THEMIS: variants seen among roughly 807,000 people sequenced by gnomAD.
THEMIS encodes thymocyte selection associated, also known as protein THEMIS.
Under a neutral mutation model 52.6 loss-of-function variants are expected in THEMIS, and 37 were observed. The ratio of observed to expected loss-of-function variants is 0.70; its 90% CI spans 0.54 to 0.93. The LOEUF (loss-of-function observed/expected upper bound fraction) is 0.93. Ranked by LOEUF, THEMIS falls within the 40% of genes least tolerant of loss-of-function variation. The pLI, the probability that THEMIS is intolerant of heterozygous loss-of-function variation, is 0.00. For synonymous variants in THEMIS, 292 were observed against 272.7 expected (o/e 1.07, Z -0.70); for missense variants, 808 against 763.1 (o/e 1.06, Z -0.69).
At chr6:127,755,791 G>C (rs1246567401) in intron 4 of THEMIS, among the ~76,000 whole-genome samples, 1 of 152,038 alleles carries the variant, frequency 6.6e-6, no homozygotes, top group Admixed American at 6.6e-5. Context: ...CCAGCACTTT[G>C]GGAGGCGGGC....
intron 5 of THEMIS, among the ~76,000 whole-genome samples, chr6:127,712,688 G>A (rs920554347): frequency 6.6e-6 from 1 of 151,850 alleles, no homozygotes; most frequent in Non-Finnish European, 1.5e-5. Context: ...ATTCATAGAA[G>A]AGTAGACATA....
At chr6:127,915,969 A>G (rs2114542142) in intron 1 of THEMIS, among the ~76,000 whole-genome samples, 1 of 152,278 alleles carries the variant, frequency 6.6e-6, no homozygotes, top group East Asian at 1.9e-4. Flanking sequence ...CCTTGGTGAC[A>G]GAGCACCACT....
upstream of THEMIS, among the ~76,000 whole-genome samples, chr6:127,901,248 A>G (rs992414854): frequency 3.8e-4 from 58 of 152,148 alleles, no homozygotes; most frequent in Non-Finnish European, 4.0e-4. Context: ...TAAGTAGCGC[A>G]TTCTGTCCTT....
At chr6:127,769,766 C>G (rs1057229999) in intron 4 of THEMIS, among the ~76,000 whole-genome samples, 1 of 152,118 alleles carries the variant, frequency 6.6e-6, no homozygotes, top group African/African-American at 2.4e-5. Context: ...TCTCCTGACG[C>G]TACCCCTCCC....
intron 3 of THEMIS, among the ~76,000 whole-genome samples, chr6:127,818,509 T>A (rs1778212377): frequency 1.3e-5 from 2 of 151,078 alleles, no homozygotes; most frequent in Admixed American, 6.6e-5. Flanking sequence ...AACTTCTAGA[T>A]AGATAAACGT....
chr6:127,745,788 G>T (rs1326013941), intron 4 of THEMIS, among the ~76,000 whole-genome samples: 1 of 151,782 alleles, frequency 6.6e-6, no homozygotes, highest in Non-Finnish European at 1.5e-5. Context: ...TGCTATACAT[G>T]TTCAAAAATC....
chr6:127,806,868 A>AT (rs1777729222), intron 4 of THEMIS, among the ~76,000 whole-genome samples: 2 of 152,216 alleles, frequency 1.3e-5, no homozygotes, highest in Non-Finnish European at 2.9e-5. Flanking sequence ...GGTTTCAGCT[A>AT]TAACTCAAGT....
At position 127,757,404 on chromosome 6, in the gene THEMIS, T is replaced by C. The variant is rs576184681; in HGVS notation, c.1759-37581A>G. 9.2e-5 allele frequency among the ~76,000 whole-genome samples: 14 copies of C among 152,302 alleles called. No homozygotes were observed. In the South Asian group the frequency reaches 2.7e-3, roughly 29 times the overall value. ...TTTAATTCACCCGTGCATACATAAA[T>C]GGCAGATAGCTATAGACGTAGACTA... On this transcript the variant is annotated intron_variant, in intron 4 of 5. Transcript: ENST00000368248.
At chr6:127,858,404 T>G (rs2114317375) in intron 1 of THEMIS, among the ~76,000 whole-genome samples, 1 of 152,254 alleles carries the variant, frequency 6.6e-6, no homozygotes, top group South Asian at 2.1e-4. Context: ...TAACTCATTT[T>G]TAATAAAGAA....
the THEMIS span, among the ~76,000 whole-genome samples, chr6:127,701,817 C>A: frequency 1.3e-5 from 2 of 152,134 alleles, no homozygotes; most frequent in Non-Finnish European, 2.9e-5. Context: ...TTTTTATGTT[C>A]ATTATCCTTT....
chr6:127,775,691 G>A (rs1036414934), intron 4 of THEMIS, among the ~76,000 whole-genome samples: 5 of 149,524 alleles, frequency 3.3e-5, no homozygotes, highest in African/African-American at 1.2e-4. Context: ...ACGATCTTCT[G>A]TTTTGCCTTT....
At chr6:127,818,491 C>A (rs534407819) in intron 3 of THEMIS, among the ~76,000 whole-genome samples, 2 of 151,148 alleles carry the variant, frequency 1.3e-5, no homozygotes, top group Non-Finnish European at 2.9e-5. Context: ...AAACTATAAA[C>A]ACAGCCTAAC....
chr6:127,791,718 C>A (rs541419563), intron 4 of THEMIS, among the ~76,000 whole-genome samples: 1 of 152,128 alleles, frequency 6.6e-6, no homozygotes, highest in Non-Finnish European at 1.5e-5. Flanking sequence ...TGCAAGACTG[C>A]GCTGAGCCAC....
At chr6:127,915,769 C>T (rs1781511802) in intron 1 of THEMIS, among the ~76,000 whole-genome samples, 3 of 151,848 alleles carry the variant, frequency 2.0e-5, no homozygotes, top group Admixed American at 1.3e-4. Context: ...GGTGGATCAC[C>T]AGAGGTCAGA....
intron 4 of THEMIS, among the ~76,000 whole-genome samples, chr6:127,754,100 C>G (rs1432626941): frequency 6.6e-6 from 1 of 152,072 alleles, no homozygotes; most frequent in Admixed American, 6.6e-5. Context: ...AATAAATTAT[C>G]TTAAAGAAGT....
intron 1 of THEMIS, among the ~76,000 whole-genome samples, chr6:127,890,339 G>A (rs931231000): frequency 2.0e-5 from 3 of 152,110 alleles, no homozygotes; most frequent in African/African-American, 7.2e-5. Context: ...TAGATTGATA[G>A]TTAATATGTT....
At chr6:127,890,477 C>T (rs1780771642) in intron 1 of THEMIS, among the ~76,000 whole-genome samples, 1 of 151,848 alleles carries the variant, frequency 6.6e-6, no homozygotes, top group African/African-American at 2.4e-5. Context: ...TTAATGGATA[C>T]AGAAATACAG....
At chr6:127,743,357 A>G (rs2114289063) in intron 4 of THEMIS, among the ~76,000 whole-genome samples, 1 of 152,312 alleles carries the variant, frequency 6.6e-6, no homozygotes. Flanking sequence ...AAGCCAAGTT[A>G]AATGAAAAAG....
chr6:127,866,668 A>T (rs891380192), intron 1 of THEMIS, among the ~76,000 whole-genome samples: 2 of 151,994 alleles, frequency 1.3e-5, no homozygotes, highest in Non-Finnish European at 2.9e-5. Context: ...TATAATATTT[A>T]AAAATACTCA....
Sources: allele counts gnomAD v4.1 joint callset (sites outside exome capture counted in the v4.1 genomes callset), GRCh38; gene constraint gnomAD v4.1.1; transcripts MANE v1.5; gene names NCBI Gene and HGNC (gene_info 2026-07-23, HGNC 2026-07-21).